Variants in PPP6R1 observed in about 807,000 individuals in gnomAD.
PPP6R1 encodes serine/threonine-protein phosphatase 6 regulatory subunit 1.
Under a neutral mutation model 104.6 loss-of-function variants are expected in PPP6R1, and 39 were observed. The observed-to-expected ratio is 0.37, with a 90% CI of 0.29 to 0.49. The LOEUF (loss-of-function observed/expected upper bound fraction) is 0.49. Ranked by LOEUF, PPP6R1 falls within the 20% of genes least tolerant of loss-of-function variation. The pLI, the probability that PPP6R1 is intolerant of heterozygous loss-of-function variation, is 0.98. For synonymous variants in PPP6R1, 549 were observed against 479.0 expected, an observed-to-expected ratio of 1.15 and a Z score of -1.91; for missense variants, 1,181 against 1,155.8, an observed-to-expected ratio of 1.02 and a Z score of -0.32.
chr19:55,242,403 G>A lies in PPP6R1; in HGVS notation c.704C>T (p.Pro235Leu). ...CTCCAGGGTGGCCAGCAGTTGGTCAGGCTCTGGGCTGTCCTGGACTTGGAT... is the reference window on the plus strand; with the variant it reads ...CTCCAGGGTGGCCAGCAGTTGGTCAAGCTCTGGGCTGTCCTGGACTTGGAT... ...QMIQVQDSPE[P>L]DQLLATLEKQ... Residue 235 changes from proline (P) to leucine (L), a missense_variant, in exon 6 of 24, where the codon CCT (proline) becomes CTT (leucine). Transcript: ENST00000412770. The A allele has an allele frequency of 6.2e-7, 1 of 1,613,934 alleles. No homozygotes were observed. Among genetic ancestry groups the A allele is most frequent in the Non-Finnish European group, 8.5e-7 (1 of 1,179,808 alleles).
Position 55,259,009 on chromosome 19 carries a change from C to G in PPP6R1, c.-581G>C, listed in dbSNP as rs2087619309. ...GACGCCCGGCTCCCTCCGCCACTAT[C>G]CCACAATCCCCCTAGCGCAGGACGA... is the stretch of plus-strand genomic sequence containing the variant. On this transcript the variant is annotated 5_prime_UTR_variant, in exon 1 of 24. Transcript: ENST00000412770. 6.6e-6 allele frequency: 1 copy of G among 152,166 alleles called. No homozygotes were observed. The allele number at this position is 152,166 out of a possible 1,614,324, so 9.4% of individuals were successfully genotyped here.
rs2087335941 is a variant in PPP6R1 at position 55,230,769 on chromosome 19, C to T, written c.2570+5G>A. ...ACCCCCCCGCCCTGCTGCCCTGGTG[C>T]TCACCTCTGGCTTTGGGGAAGCCCC... On this transcript the variant is annotated splice_donor_5th_base_variant and intron_variant, in intron 22 of 23. Coordinates refer to ENST00000412770, the MANE Select transcript of PPP6R1 (RefSeq NM_014931.4). The T allele has an allele frequency of 1.4e-6, 1 of 716,876 alleles. No individual in the cohort carries two copies. Among genetic ancestry groups the T allele is most frequent in the Non-Finnish European group, 2.2e-6 (1 of 458,560 alleles). The allele number at this position is 716,876 out of a possible 1,614,324, so 44.4% of individuals were successfully genotyped here.
chr19:55,246,569 G>A (rs986605437), intron 2 of PPP6R1, among the ~76,000 whole-genome samples: 4 of 152,172 alleles, frequency 2.6e-5, no homozygotes, highest in African/African-American at 4.8e-5. Context: ...AAAACCAGCC[G>A]GGCATGTCGT....
rs1229353819 is a variant in PPP6R1, at chr19:55,258,797, G to C, written c.-369C>G. 7 of 152,212 alleles carry C rather than the reference G, an allele frequency of 4.6e-5. No homozygotes were observed. The highest frequency in any genetic ancestry group is 1.4e-4 in the African/African-American group (6 of 41,560). 9.4% of individuals were successfully genotyped at this position (152,212 alleles called of 1,614,324 possible). A position where few individuals can be genotyped will look rare whatever the true frequency, so the allele number is the denominator to read the frequency against. ...ACGCAGGCGCCTCAGCCGGGAAGAC[G>C]GGGGAAGTTGCCCCGGTTTCCACAG... On this transcript the variant is annotated 5_prime_UTR_variant, in exon 1 of 24. Transcript: ENST00000412770.
chr19:55,230,733 G>GCCCCCCCCCCCCCCC, intron 22 of PPP6R1, 41 bp downstream of exon 22: 2 of 1,390,548 alleles, frequency 1.4e-6, no homozygotes, highest in South Asian at 1.3e-5. Flanking sequence ...TGCCCCACCA[G>GCCCCCCCCCCCCCCC]CCCCACCCCC....
intron 1 of PPP6R1, among the ~76,000 whole-genome samples, chr19:55,252,570 G>C (rs965566628): frequency 3.9e-5 from 6 of 151,992 alleles, no homozygotes; most frequent in African/African-American, 1.5e-4. Flanking sequence ...TAATTTTTGT[G>C]TGTGTTTTTT....
chr19:55,244,185 C>T (rs879612247), intron 5 of PPP6R1, among the ~76,000 whole-genome samples: 7 of 152,124 alleles, frequency 4.6e-5, no homozygotes, highest in Non-Finnish European at 8.8e-5. Context: ...AGGGACAGGC[C>T]CCAGCCTGGG....
At chr19:55,256,546 C>T (rs2122756252) in intron 1 of PPP6R1, among the ~76,000 whole-genome samples, 1 of 152,348 alleles carries the variant, frequency 6.6e-6, no homozygotes, top group South Asian at 2.1e-4. Context: ...TGTGGTGGTC[C>T]ATGCCTATAA....
At chr19:55,235,818 G>GAT (rs1229673677) in intron 17 of PPP6R1, among the ~76,000 whole-genome samples, 1 of 145,062 alleles carries the variant, frequency 6.9e-6, no homozygotes, top group East Asian at 2.1e-4. Context: ...GTGCCCGGCT[G>GAT]ATTTTTTTTA....
intron 10 of PPP6R1, among the ~76,000 whole-genome samples, chr19:55,240,510 TGCATACACACACACACAC>T (rs2087443150): frequency 7.3e-6 from 1 of 136,556 alleles, no homozygotes; most frequent in South Asian, 2.3e-4. Flanking sequence ...GAATATGTGG[TGCATACACACACACACAC>T]ACACACACAC....
In PPP6R1 at chr19:55,231,802, C is replaced by T. The variant is rs1238124795; in HGVS notation, c.2306G>A (p.Arg769Lys). ...TTAGCCCGTTCCATCCGGTTCTCAC[C>T]TGAGCTGCAGGGCGTCACGGGCAGG... ...SPPARDALQLRSQDPTPPSAP... is the reference protein window; with the variant it reads ...SPPARDALQLKSQDPTPPSAP... The change falls in exon 19 of 24, where the codon AGG becomes AAG. Residue 769 changes from arginine to lysine, a missense_variant and splice_region_variant. By Grantham distance (26) the Arg-to-Lys change is conservative. Transcript: ENST00000412770. 4 of 1,500,160 alleles carry T rather than the reference C, an allele frequency of 2.7e-6. No homozygotes were observed. Among genetic ancestry groups the T allele is most frequent in the Non-Finnish European group, 3.6e-6 (4 of 1,125,726 alleles). 92.9% of individuals were successfully genotyped at this position (1,500,160 alleles called of 1,614,324 possible).
At chr19:55,233,447 C>A (rs1376743438) in intron 17 of PPP6R1, among the ~76,000 whole-genome samples, 3 of 152,062 alleles carry the variant, frequency 2.0e-5, no homozygotes, top group Non-Finnish European at 1.5e-5. Context: ...CGGAGGCTAG[C>A]CAGGGCAACC....
Position 55,241,461 on chromosome 19 carries a change from AACCCAC to A in PPP6R1, c.1008+10_1008+15del, listed in dbSNP as rs746201909. 1 of 1,601,720 alleles carries A rather than the reference AACCCAC, an allele frequency of 6.2e-7. No homozygotes were observed. The highest frequency in any genetic ancestry group is 8.5e-7 in the Non-Finnish European group (1 of 1,173,142). Reference sequence around the variant, plus strand: ...CTTCCCCCGCCTCCCCGAGGACCAGAACCCACACCCCTGACCTTGGGAGGCTCCAGC... The same window carrying A: ...CTTCCCCCGCCTCCCCGAGGACCAGAACCCCTGACCTTGGGAGGCTCCAGC... On this transcript the variant is annotated intron_variant, in intron 8 of 23. Coordinates refer to ENST00000412770, the MANE Select transcript of PPP6R1 (RefSeq NM_014931.4). This position sits in a 1 kb window ranked among gnomAD's most constrained non-coding sequence, Gnocchi z 5.4.
At chr19:55,228,224 C>A, downstream of PPP6R1, 1 of 1,611,706 alleles carries the variant, frequency 6.2e-7, no homozygotes, top group Non-Finnish European at 8.5e-7. Flanking sequence ...ATGAGGCAAG[C>A]GTCCCCCACA....
At chr19:55,228,324 C>T (rs1454225990), downstream of PPP6R1, 1 of 1,613,836 alleles carries the variant, frequency 6.2e-7, no homozygotes, top group Non-Finnish European at 8.5e-7. Context: ...AGAGGACGGG[C>T]AGGCACTTGA....
intron 17 of PPP6R1, among the ~76,000 whole-genome samples, chr19:55,233,629 T>C (rs1015297996): frequency 2.8e-4 from 43 of 152,210 alleles, no homozygotes; most frequent in African/African-American, 9.9e-4. Flanking sequence ...CAAAAACCTA[T>C]TGTATTTTCA....
At chr19:55,252,951 C>T (rs537785352) in intron 1 of PPP6R1, among the ~76,000 whole-genome samples, 195 of 152,288 alleles carry the variant, frequency 1.3e-3, no homozygotes, top group African/African-American at 4.5e-3. Flanking sequence ...GGGCCAGGCT[C>T]AGGCCTTGCA....
At chr19:55,244,485 C>G (rs1344515848) in intron 5 of PPP6R1, among the ~76,000 whole-genome samples, 1 of 152,160 alleles carries the variant, frequency 6.6e-6, no homozygotes, top group African/African-American at 2.4e-5. Context: ...AGGCAGGAGA[C>G]AGGGAAAAAG....
At chr19:55,247,199 C>G in intron 1 of PPP6R1, 90 bp from the exon 2 acceptor site, 5 of 1,325,846 alleles carry the variant, frequency 3.8e-6, no homozygotes, top group Non-Finnish European at 5.3e-6. Context: ...GAGTGCCCAC[C>G]TTGGGCACAG....
Sources: allele counts gnomAD v4.1 joint callset (sites outside exome capture counted in the v4.1 genomes callset), GRCh38; gene constraint gnomAD v4.1.1; non-coding constraint Gnocchi (gnomAD v3.1); transcripts MANE v1.5; gene names NCBI Gene and HGNC (gene_info 2026-07-23, HGNC 2026-07-21).